HDAC11: variants seen among roughly 807,000 people sequenced by gnomAD.
The protein encoded by HDAC11 is histone deacetylase 11.
HDAC11 carries 23 observed loss-of-function variants against 41.1 expected under a neutral mutation model. The observed-to-expected ratio is 0.56, with a 90% CI of 0.40 to 0.79. The LOEUF (loss-of-function observed/expected upper bound fraction) is 0.79, where lower values mean the gene tolerates loss of function less well. HDAC11 is among the 30% of genes least tolerant of loss of function. The pLI is 0.00. For synonymous variants in HDAC11, 187 were observed against 186.6 expected, an observed-to-expected ratio of 1.00 and a Z score of -0.02; for missense variants, 402 against 477.3, an observed-to-expected ratio of 0.84 and a Z score of 1.47.
intron 4 of HDAC11, 88 bp from the exon 5 acceptor site, chr3:13,498,425 G>A: frequency 6.6e-7 from 1 of 1,522,404 alleles, no homozygotes; most frequent in Non-Finnish European, 9.1e-7. Context: ...GCTAGAAGCA[G>A]TGTTTATGGA....
chr3:13,505,340 C>G lies in HDAC11; in HGVS notation c.*657C>G, dbSNP rs1338569655. 6.4e-6 allele frequency: 1 copy of G among 156,382 alleles called. No homozygotes were observed. Among genetic ancestry groups the G allele is most frequent in the African/African-American group, 2.4e-5 (1 of 41,486 alleles). 9.7% of individuals were successfully genotyped at this position (156,382 alleles called of 1,614,324 possible). A position where few individuals can be genotyped will look rare whatever the true frequency, so the allele number is the denominator to read the frequency against. ...AAAGCAAGGTCTGGACCTGCCTTCC[C>G]AGGCCCTTCTGTGGGGGTGAAGGTG... On this transcript the variant is annotated 3_prime_UTR_variant, in exon 10 of 10. Transcript: ENST00000295757.
At chr3:13,487,154 C>T (rs1362348704) in intron 3 of HDAC11, among the ~76,000 whole-genome samples, 1 of 152,106 alleles carries the variant, frequency 6.6e-6, no homozygotes, top group Non-Finnish European at 1.5e-5. Context: ...GCCCTTGCTG[C>T]CCAGGTGGGA....
chr3:13,500,832 C>T lies in HDAC11; in HGVS notation c.489+43C>T, dbSNP rs778688152. On this transcript the variant is annotated intron_variant, in intron 6 of 9. Transcript: ENST00000295757. ...TGGGGTCTCGCCTCCAAGAGCCCTC[C>T]TGGAATCCTCCCCATAGCTCCAAAT... 4.4e-6 allele frequency: 6 copies of T among 1,349,320 alleles called. No individual in the cohort carries two copies. In the East Asian group the frequency reaches 1.1e-4, roughly 24 times the overall value. 83.6% of individuals were successfully genotyped at this position (1,349,320 alleles called of 1,614,324 possible). A position where few individuals can be genotyped will look rare whatever the true frequency, so the allele number is the denominator to read the frequency against.
At chr3:13,491,224 A>T (rs1357740062) in intron 3 of HDAC11, among the ~76,000 whole-genome samples, 1 of 151,838 alleles carries the variant, frequency 6.6e-6, no homozygotes, top group Non-Finnish European at 1.5e-5. Flanking sequence ...CTCTGATTGG[A>T]ACTTCCAGTA....
chr3:13,496,606 G>A, intron 3 of HDAC11, 130 bp from the exon 4 acceptor site: 1 of 631,572 alleles, frequency 1.6e-6, no homozygotes, highest in Non-Finnish European at 2.9e-6. Flanking sequence ...CAAAGGAAGT[G>A]TGCTTGACCA....
chr3:13,486,799 G>A (rs763625489), intron 3 of HDAC11, among the ~76,000 whole-genome samples: 8 of 151,948 alleles, frequency 5.3e-5, no homozygotes, highest in East Asian at 1.9e-4. Context: ...GGCTGGTCTC[G>A]AACTCCTGAC....
chr3:13,490,755 T>C lies in HDAC11; in HGVS notation c.253-5981T>C, dbSNP rs1457142728. Reference sequence around the variant, plus strand: ...CTTAGCATTTTTTTCTTTTTTTTTTTTTTTTTTTTTTTTTTAGACAGAGTC... The same window carrying C: ...CTTAGCATTTTTTTCTTTTTTTTTTCTTTTTTTTTTTTTTTAGACAGAGTC... On this transcript the variant is annotated intron_variant, in intron 3 of 9. Transcript: ENST00000295757. Among the ~76,000 whole-genome samples the C allele has an allele frequency of 2.3e-4, 31 of 135,032 alleles. 1 individual carries two copies. The East Asian group carries it at 4.0e-3, about 17-fold the overall frequency. 88.6% of individuals were successfully genotyped at this position (135,032 alleles called of 152,430 possible). A position where few individuals can be genotyped will look rare whatever the true frequency, so the allele number is the denominator to read the frequency against.
chr3:13,488,828 A>G (rs534248623), intron 3 of HDAC11, among the ~76,000 whole-genome samples: 1 of 152,246 alleles, frequency 6.6e-6, no homozygotes, highest in Non-Finnish European at 1.5e-5. Flanking sequence ...AGAACCATCA[A>G]GGTGATCTCC....
Position 13,502,610 on chromosome 3 carries a change from C to T in HDAC11, c.553-274C>T. On this transcript the variant is annotated intron_variant, in intron 7 of 9. Coordinates refer to ENST00000295757, the MANE Select transcript of HDAC11 (RefSeq NM_024827.4). The surrounding 1 kb of genome is among the most constrained non-coding windows in gnomAD (Gnocchi z 4.1). ...ACATCCCTGATCCCAACCAGTCCCACCACAGACTTGAGAGGGTGGCAGAGC... is the reference window on the plus strand; with the variant it reads ...ACATCCCTGATCCCAACCAGTCCCATCACAGACTTGAGAGGGTGGCAGAGC... The T allele has an allele frequency of 2.6e-6, 1 of 391,586 alleles. No homozygotes were observed. 24.3% of individuals were successfully genotyped at this position (391,586 alleles called of 1,614,324 possible). A position where few individuals can be genotyped will look rare whatever the true frequency, so the allele number is the denominator to read the frequency against.
intron 3 of HDAC11, among the ~76,000 whole-genome samples, chr3:13,494,301 G>A (rs1361443400): frequency 1.3e-5 from 2 of 152,172 alleles, no homozygotes; most frequent in Non-Finnish European, 2.9e-5. Flanking sequence ...TTGCTCATTC[G>A]TTCATGGAAA....
rs1702433390 is a variant in HDAC11 at position 13,502,816 on chromosome 3, G to A, written c.553-68G>A. 3 of 1,241,548 alleles carry A rather than the reference G, an allele frequency of 2.4e-6. No homozygotes were observed. Among genetic ancestry groups the A allele is most frequent in the African/African-American group, 1.5e-5 (1 of 67,666 alleles). 76.9% of individuals were successfully genotyped at this position (1,241,548 alleles called of 1,614,324 possible). On this transcript the variant is annotated intron_variant, in intron 7 of 9. Coordinates refer to ENST00000295757, the MANE Select transcript of HDAC11 (RefSeq NM_024827.4). The surrounding 1 kb of genome is among the most constrained non-coding windows in gnomAD (Gnocchi z 4.1). ...AAATGGGGAGTTTCCTGAGGGGTGG[G>A]TGGGTGGCAGAGCCCCAGCCTTGCC...
chr3:13,486,073 G>A (rs1701549567), intron 3 of HDAC11, among the ~76,000 whole-genome samples: 1 of 151,980 alleles, frequency 6.6e-6, no homozygotes, highest in Non-Finnish European at 1.5e-5. Context: ...TTTGAGATCA[G>A]CCTGGCCAAC....
rs552171441 is a variant in HDAC11 at position 13,481,360 on chromosome 3, C to T, written c.117C>T (p.Ala39=). ...TGGAGAAGCTGCATCCCTTTGATGCCGGAAAATGGGGCAAAGTGATCAATT... is the reference window on the plus strand; with the variant it reads ...TGGAGAAGCTGCATCCCTTTGATGCTGGAAAATGGGGCAAAGTGATCAATT... ...MGLEKLHPFD[A]GKWGKVINFL... is the part of the protein sequence containing the mutation. Residue 39 remains alanine (A), a synonymous_variant, in exon 2 of 10, where the codon GCC becomes GCT. Coordinates refer to ENST00000295757, the MANE Select transcript of HDAC11 (RefSeq NM_024827.4). 3.0e-5 allele frequency: 48 copies of T among 1,613,986 alleles called. No individual in the cohort carries two copies. In the South Asian group the frequency reaches 4.8e-4, roughly 16 times the overall value.
intron 3 of HDAC11, among the ~76,000 whole-genome samples, chr3:13,485,722 C>T (rs746266069): frequency 1.4e-4 from 21 of 151,178 alleles, no homozygotes; most frequent in South Asian, 4.1e-4. Context: ...GAGTTTGAAG[C>T]TGTAGTGAGC....
intron 5 of HDAC11, 138 bp downstream of exon 5, chr3:13,498,693 G>T: frequency 5.2e-6 from 5 of 952,960 alleles, no homozygotes; most frequent in Non-Finnish European, 8.0e-6. Context: ...AGTCACCCTA[G>T]CCTCCTTGTG....
intron 3 of HDAC11, among the ~76,000 whole-genome samples, chr3:13,486,232 A>T (rs1464477687): frequency 5.8e-5 from 8 of 138,848 alleles, no homozygotes; most frequent in African/African-American, 2.2e-4. Flanking sequence ...GCGCCATTGC[A>T]CTCCAGCTTG....
chr3:13,500,913 G>A (rs1422298461), intron 6 of HDAC11, 124 bp downstream of exon 6: 3 of 727,430 alleles, frequency 4.1e-6, no homozygotes, highest in Non-Finnish European at 6.5e-6. Context: ...CAGGGAGGGG[G>A]CTTGTTTGGG....
chr3:13,497,951 G>A (rs1702179194), intron 4 of HDAC11, among the ~76,000 whole-genome samples: 1 of 149,632 alleles, frequency 6.7e-6, no homozygotes, highest in Non-Finnish European at 1.5e-5. Context: ...TGCCTCCTGG[G>A]TTCAAGTGAT....
rs191161439 is a variant in HDAC11 at position 13,496,870 on chromosome 3, G to A, written c.369+18G>A. 2.9e-4 allele frequency: 403 copies of A among 1,384,964 alleles called. 4 individuals are homozygous for A. In the East Asian group the frequency reaches 8.4e-3, roughly 29 times the overall value. The allele number at this position is 1,384,964 out of a possible 1,614,324, so 85.8% of individuals were successfully genotyped here. On this transcript the variant is annotated intron_variant, in intron 4 of 9. Transcript: ENST00000295757. ...CCATAATGGTAGGTGGGGTGGGGGG[G>A]CATGGCTGGGCTGGGGGCCCCCACA...
Sources: allele counts gnomAD v4.1 joint callset (sites outside exome capture counted in the v4.1 genomes callset), GRCh38; gene constraint gnomAD v4.1.1; non-coding constraint Gnocchi (gnomAD v3.1); transcripts MANE v1.5; gene names NCBI Gene and HGNC (gene_info 2026-07-23, HGNC 2026-07-21).